The following CFAP57 variants were observed in gnomAD, a reference collection of about 807,000 sequenced individuals.
CFAP57 encodes cilia- and flagella-associated protein 57.
In CFAP57, 116 loss-of-function variants were observed where a neutral mutation model predicts 146.8. The observed-to-expected ratio is 0.79, with a 90% CI of 0.68 to 0.92. CFAP57 has a LOEUF of 0.92. Among genes scored for constraint, CFAP57 ranks in the 40% least tolerant of loss-of-function variants. The pLI is 0.00. For missense variants in CFAP57, 1,377 were observed against 1,527.2 expected (o/e 0.90, Z 1.64); for synonymous variants, 518 against 552.8 (o/e 0.94, Z 0.88).
At chr1:43,219,716 C>T in intron 13 of CFAP57, 179 bp downstream of exon 13, 1 of 729,792 alleles carries the variant, frequency 1.4e-6, no homozygotes, top group Non-Finnish European at 2.1e-6. Context: ...GTGGCTCATG[C>T]CTGTAATCCC....
At chr1:43,213,675 G>T (rs891476299) in intron 11 of CFAP57, among the ~76,000 whole-genome samples, 1 of 152,076 alleles carries the variant, frequency 6.6e-6, no homozygotes, top group Non-Finnish European at 1.5e-5. Flanking sequence ...CCCACCAACA[G>T]TGTATAAGAG....
intron 22 of CFAP57, among the ~76,000 whole-genome samples, chr1:43,253,199 G>A (rs981777372): frequency 2.0e-5 from 3 of 152,214 alleles, no homozygotes; most frequent in African/African-American, 7.2e-5. Flanking sequence ...AGAAAAGGGA[G>A]TAAATCTAAA....
chr1:43,254,136 T>A lies in CFAP57; in HGVS notation c.3698T>A (p.Val1233Asp), dbSNP rs1322238912. 6 of 1,550,594 alleles carry A rather than the reference T, an allele frequency of 3.9e-6. No homozygotes were observed. Among genetic ancestry groups the A allele is most frequent in the East Asian group, 2.4e-5 (1 of 40,898 alleles). ...ACAGGGTTCCACACCCTCGCTGGAG[T>A]TCGGCTTCCTTCCCTCTCCAACTCC... ...QVTGFHTLAG[V>D]RLPSLSNSEV... The change falls in exon 23 of 23, where the codon GTT becomes GAT. Residue 1233 changes from valine (V) to aspartate (D), a missense_variant. Physicochemically the swap from Val to Asp is radical, Grantham distance 152. Coordinates refer to ENST00000372492, the MANE Select transcript of CFAP57 (RefSeq NM_001378189.1).
chr1:43,232,273 T>C, intron 18 of CFAP57: 1 of 590,074 alleles, frequency 1.7e-6, no homozygotes. Context: ...GAGGGAAAAC[T>C]TCCCAGCCTG....
In CFAP57 at chr1:43,172,395, C is replaced by T. The variant is rs957821523; in HGVS notation, c.-78C>T. On this transcript the variant is annotated 5_prime_UTR_variant, in exon 1 of 23. Coordinates refer to ENST00000372492, the MANE Select transcript of CFAP57 (RefSeq NM_001378189.1). ...TGAAAGTGTCCGGGTTGCTTAGGATCCCTACAGGTAGCGCCTCTGGATACA... is the reference window on the plus strand; with the variant it reads ...TGAAAGTGTCCGGGTTGCTTAGGATTCCTACAGGTAGCGCCTCTGGATACA... 7.1e-6 allele frequency: 11 copies of T among 1,551,406 alleles called. No homozygotes were observed. The highest frequency in any genetic ancestry group is 7.0e-6 in the Non-Finnish European group (8 of 1,146,976).
At chr1:43,192,345 G>A (rs1224945301) in intron 6 of CFAP57, among the ~76,000 whole-genome samples, 2 of 152,302 alleles carry the variant, frequency 1.3e-5, no homozygotes, top group South Asian at 2.1e-4. Context: ...TGCATGGCCT[G>A]GTGTGGTGGC....
intron 4 of CFAP57, among the ~76,000 whole-genome samples, chr1:43,184,277 C>T (rs533430432): frequency 1.5e-4 from 23 of 152,200 alleles, no homozygotes; most frequent in African/African-American, 5.1e-4. Context: ...CAGCAGGAGG[C>T]GACAGACCAA....
chr1:43,185,311 G>C lies in CFAP57; in HGVS notation c.924G>C (p.Glu308Asp), dbSNP rs1484570211. ...SAGPGRVLLF[E>D]KMEEKDFYRE... ...GGCCAGGGAGAGTTCTGCTGTTTGA[G>C]AAGATGGAAGAAAAGGATTTTTACC... The change falls in exon 5 of 23, where the codon GAG becomes GAC. Residue 308 changes from glutamate to aspartate, a missense_variant. Glu to Asp is a conservative substitution (Grantham distance 45). Coordinates refer to ENST00000372492, the MANE Select transcript of CFAP57 (RefSeq NM_001378189.1). 3 of 1,613,970 alleles carry C rather than the reference G, an allele frequency of 1.9e-6. No individual in the cohort carries two copies. In the South Asian group the frequency reaches 3.3e-5, roughly 18 times the overall value.
intron 3 of CFAP57, 129 bp from the exon 4 acceptor site, chr1:43,183,462 T>TC (rs1645502167): frequency 1.2e-6 from 1 of 839,924 alleles, no homozygotes; most frequent in Non-Finnish European, 1.9e-6. Flanking sequence ...AGCATAAAGT[T>TC]ACATGATTTT....
chr1:43,235,322 A>G (rs1645646168), intron 21 of CFAP57, among the ~76,000 whole-genome samples: 1 of 152,138 alleles, frequency 6.6e-6, no homozygotes, highest in Non-Finnish European at 1.5e-5. Flanking sequence ...GCCAGTCGGG[A>G]TTCTTCTGCC....
chr1:43,225,304 T>TCCC (rs1645203567), intron 17 of CFAP57, among the ~76,000 whole-genome samples: 6 of 152,246 alleles, frequency 3.9e-5, no homozygotes, highest in African/African-American at 1.4e-4. Flanking sequence ...ACAGCAGGGG[T>TCCC]CAGCACGCTC....
chr1:43,216,472 G>A (rs1644837974), intron 12 of CFAP57, among the ~76,000 whole-genome samples: 1 of 152,164 alleles, frequency 6.6e-6, no homozygotes, highest in African/African-American at 2.4e-5. Context: ...TATCTTTTCT[G>A]TTCTTCCCAG....
At chr1:43,215,925 TC>T (rs1644816567) in intron 12 of CFAP57, among the ~76,000 whole-genome samples, 1 of 152,212 alleles carries the variant, frequency 6.6e-6, no homozygotes, top group African/African-American at 2.4e-5. Flanking sequence ...GGACTAGAGT[TC>T]TAATCCAGAT....
At chr1:43,215,457 A>G in intron 12 of CFAP57, 41 bp downstream of exon 12, 2 of 1,535,438 alleles carry the variant, frequency 1.3e-6, no homozygotes, top group Non-Finnish European at 1.8e-6. Flanking sequence ...GGAATTACTT[A>G]CCAGACTGCA....
At chr1:43,253,815 G>C (rs1222383294) in intron 22 of CFAP57, among the ~76,000 whole-genome samples, 162 bp from the exon 23 acceptor site, 1 of 152,076 alleles carries the variant, frequency 6.6e-6, no homozygotes, top group Non-Finnish European at 1.5e-5. Flanking sequence ...ATCTCTCTGC[G>C]AGACAGCAAA....
intron 22 of CFAP57, among the ~76,000 whole-genome samples, chr1:43,246,513 A>G (rs1157589902): frequency 2.0e-5 from 3 of 152,226 alleles, no homozygotes; most frequent in Non-Finnish European, 2.9e-5. Context: ...TACACCATAT[A>G]CAACAATTAA....
intron 12 of CFAP57, among the ~76,000 whole-genome samples, chr1:43,217,755 C>G (rs537565590): frequency 1.3e-5 from 2 of 152,294 alleles, no homozygotes; most frequent in East Asian, 3.9e-4. Flanking sequence ...GCCTTTGGTC[C>G]TTCCTTAATC....
chr1:43,248,045 A>T (rs1646177365), intron 22 of CFAP57, among the ~76,000 whole-genome samples: 1 of 149,218 alleles, frequency 6.7e-6, no homozygotes, highest in African/African-American at 2.5e-5. Flanking sequence ...CTACTGAAGC[A>T]GGAGAATGGC....
chr1:43,173,580 T>G (rs1645060102), intron 2 of CFAP57, among the ~76,000 whole-genome samples: 1 of 152,228 alleles, frequency 6.6e-6, no homozygotes, highest in Non-Finnish European at 1.5e-5. Flanking sequence ...CTGTATTCTG[T>G]GTCTTGCTGC....
Sources: allele counts gnomAD v4.1 joint callset (sites outside exome capture counted in the v4.1 genomes callset), GRCh38; gene constraint gnomAD v4.1.1; transcripts MANE v1.5; gene names NCBI Gene and HGNC (gene_info 2026-07-23, HGNC 2026-07-21).